Variants in AIFM2 observed in about 807,000 individuals in gnomAD.
AIFM2 encodes the protein AIF family member 2, ferroptosis suppressor.
Under a neutral mutation model 35.7 loss-of-function variants are expected in AIFM2, and 38 were observed. The observed-to-expected ratio is 1.06, with a 90% CI of 0.82 to 1.39. AIFM2 has a LOEUF of 1.39. AIFM2 is among the 40% of genes most tolerant of loss of function. The pLI, the probability that AIFM2 is intolerant of heterozygous loss-of-function variation, is 0.00. For missense variants in AIFM2, 476 were observed against 491.2 expected (o/e 0.97, Z 0.29); for synonymous variants, 185 against 203.5 (o/e 0.91, Z 0.77).
In AIFM2 at chr10:70,114,307, G is replaced by A. The variant is rs1400647869; in HGVS notation, c.993C>T (p.Ser331=). 6.2e-7 allele frequency: 1 copy of A among 1,613,810 alleles called. No individual in the cohort carries two copies. Among genetic ancestry groups the A allele is most frequent in the East Asian group, 2.2e-5 (1 of 44,876 alleles). ...GGCCCACACCGTCATTTCTCCCCAT[G>A]GACAGGAGGAACGTCAGTGCACCTG... ...YKPGALTFLL[S]MGRNDGVGQI... Residue 331 remains serine, a synonymous_variant, in exon 9 of 9, where the codon TCC becomes TCT. Coordinates refer to ENST00000307864, the MANE Select transcript of AIFM2 (RefSeq NM_032797.6).
At position 70,117,120 on chromosome 10, in the gene AIFM2, G is replaced by T. The variant is rs538980075; in HGVS notation, c.617-346C>A. 2.0e-5 allele frequency among the ~76,000 whole-genome samples: 3 copies of T among 152,302 alleles called. No homozygotes were observed. The highest frequency in any genetic ancestry group is 2.1e-4 in the South Asian group (1 of 4,828). ...GCCATCCTAACTAGGCAGGACGAGC[G>T]CTCCAAGTGCACCACGACAAAGGGG... On this transcript the variant is annotated intron_variant, in intron 6 of 8. Coordinates refer to ENST00000307864, the MANE Select transcript of AIFM2 (RefSeq NM_032797.6). The surrounding 1 kb of genome is among the most constrained non-coding windows in gnomAD (Gnocchi z 4.7).
intron 1 of AIFM2, among the ~76,000 whole-genome samples, chr10:70,126,571 G>T (rs1049012802): frequency 6.6e-6 from 1 of 152,154 alleles, no homozygotes; most frequent in African/African-American, 2.4e-5. Flanking sequence ...CCCTATAATG[G>T]GAGGGGACTA....
rs112641567 is a variant in AIFM2 at position 70,132,764 on chromosome 10, G to GGCTCCCGCTCCC, written c.-56_-45dup. On this transcript the variant is annotated 5_prime_UTR_variant, in exon 1 of 9. Coordinates refer to ENST00000307864, the MANE Select transcript of AIFM2 (RefSeq NM_032797.6). The stretch of plus-strand genomic sequence containing the variant: ...GGCCGCGCCCGCGCGCTCTCGCTCC[G>GGCTCCCGCTCCC]GCTCCCGCTCCCGCTCCCGCTCCCG... 3,522 of 152,594 alleles carry GGCTCCCGCTCCC rather than the reference G, an allele frequency of 0.023. 115 individuals are homozygous for GGCTCCCGCTCCC. The highest frequency in any genetic ancestry group is 0.074 in the African/African-American group (3,056 of 41,282). 9.5% of individuals were successfully genotyped at this position (152,594 alleles called of 1,614,324 possible).
At chr10:70,126,709 C>T (rs979136683) in intron 1 of AIFM2, among the ~76,000 whole-genome samples, 3 of 152,208 alleles carry the variant, frequency 2.0e-5, no homozygotes, top group African/African-American at 4.8e-5. Flanking sequence ...GTTAGAACTC[C>T]GGGCACTGTT....
intron 7 of AIFM2, 69 bp from the exon 8 acceptor site, chr10:70,115,189 G>A: frequency 6.5e-7 from 1 of 1,531,796 alleles, no homozygotes; most frequent in African/African-American, 1.4e-5. Flanking sequence ...AGGAGGAGGA[G>A]AGGGCGAGCT....
chr10:70,123,846 AAG>A, intron 2 of AIFM2, 59 bp downstream of exon 2: 2 of 1,461,856 alleles, frequency 1.4e-6, no homozygotes, highest in Non-Finnish European at 1.8e-6. Flanking sequence ...CCCTAAAATC[AAG>A]CCCCAGAGCA....
intron 1 of AIFM2, among the ~76,000 whole-genome samples, chr10:70,128,008 A>G (rs964790826): frequency 1.3e-5 from 2 of 152,220 alleles, no homozygotes; most frequent in African/African-American, 4.8e-5. Context: ...ACTCTTGGAC[A>G]TGCCGACTCT....
Position 70,112,978 on chromosome 10 carries a change from A to C in AIFM2, c.*1200T>G, listed in dbSNP as rs1331353238. ...TTTGTCACTTACAAATCTGCCCATA[A>C]GTAACCTAGAAATATGCTGGGGGTC... On this transcript the variant is annotated 3_prime_UTR_variant, in exon 9 of 9. Transcript: ENST00000307864. 1 of 152,162 alleles carries C rather than the reference A, an allele frequency of 6.6e-6. No homozygotes were observed. Among genetic ancestry groups the C allele is most frequent in the African/African-American group, 2.4e-5 (1 of 41,426 alleles). The allele number at this position is 152,162 out of a possible 1,614,324, so 9.4% of individuals were successfully genotyped here. A position where few individuals can be genotyped will look rare whatever the true frequency, so the allele number is the denominator to read the frequency against.
chr10:70,114,089 A>G lies in AIFM2; in HGVS notation c.*89T>C. On this transcript the variant is annotated 3_prime_UTR_variant, in exon 9 of 9. Transcript: ENST00000307864. Reference sequence around the variant, plus strand: ...TGGCATCTTATTCCAGAAGAATAGCATTAGTTCTAGCACTTGCCAGGCGGG... The same window carrying G: ...TGGCATCTTATTCCAGAAGAATAGCGTTAGTTCTAGCACTTGCCAGGCGGG... 2.7e-6 allele frequency: 4 copies of G among 1,467,056 alleles called. No homozygotes were observed. The highest frequency in any genetic ancestry group is 2.3e-5 in the Admixed American group (1 of 43,306). The allele number at this position is 1,467,056 out of a possible 1,614,324, so 90.9% of individuals were successfully genotyped here.
Position 70,120,644 on chromosome 10 carries a change from A to G in AIFM2, c.415-45T>C, listed in dbSNP as rs1238391806. The G allele has an allele frequency of 5.0e-6, 8 of 1,596,818 alleles. No individual in the cohort carries two copies. In the African/African-American group the frequency reaches 6.7e-5, roughly 13 times the overall value. ...AAACAGGGACATATGAAACACACCT[A>G]CACATCCACCTCTGTCTGCTGGTTC... On this transcript the variant is annotated intron_variant, in intron 4 of 8. Transcript: ENST00000307864.
In AIFM2 at chr10:70,123,415, TGCAGCA is replaced by T. The variant is rs1332991420; in HGVS notation, c.278_283del (p.Leu93_Leu94del). 6.2e-7 allele frequency: 1 copy of T among 1,613,928 alleles called. No homozygotes were observed. The highest frequency in any genetic ancestry group is 8.5e-7 in the Non-Finnish European group (1 of 1,179,934). On this transcript the variant is annotated inframe_deletion, in exon 3 of 9. Coordinates refer to ENST00000307864, the MANE Select transcript of AIFM2 (RefSeq NM_032797.6). ...CTGGCCCTCACTCACCTCGCCACCC[TGCAGCA>T]GCACCATCTGGTTCTTCAGGTCTAT...
intron 5 of AIFM2, among the ~76,000 whole-genome samples, chr10:70,119,886 G>A (rs769526499): frequency 6.6e-5 from 10 of 152,286 alleles, no homozygotes; most frequent in Middle Eastern, 3.4e-3. Flanking sequence ...TAGGTTGCCC[G>A]GTAGGATCTC....
At chr10:70,124,379 T>G (rs1057209600) in intron 1 of AIFM2, among the ~76,000 whole-genome samples, 1 of 152,256 alleles carries the variant, frequency 6.6e-6, no homozygotes, top group Non-Finnish European at 1.5e-5. Context: ...TATGCAACTA[T>G]AATCACGATT....
At position 70,121,203 on chromosome 10, in the gene AIFM2, G is replaced by C; in HGVS notation, c.303C>G (p.Pro101=). The C allele has an allele frequency of 1.8e-6, 2 of 1,100,770 alleles. No homozygotes were observed. Among genetic ancestry groups the C allele is most frequent in the East Asian group, 6.2e-5 (2 of 32,302 alleles). The allele number at this position is 1,100,770 out of a possible 1,614,324, so 68.2% of individuals were successfully genotyped here. Residue 101 remains proline (P), a synonymous_variant, in exon 4 of 9, where the codon CCC becomes CCG. Transcript: ENST00000307864. ...CCGTGGCCAGGATAAGATGAGAGAA[G>C]GGCAGGGCCTGAGAGAAACCAAAAA... The part of the protein sequence containing the change: ...MVLLQGGEAL[P]FSHLILATGS...
chr10:70,118,817 T>C (rs963774332), intron 5 of AIFM2, among the ~76,000 whole-genome samples: 16 of 152,192 alleles, frequency 1.1e-4, no homozygotes, highest in African/African-American at 3.9e-4. Flanking sequence ...ATCTTTGTAA[T>C]GTCCTGAGTG....
intron 3 of AIFM2, 132 bp from the exon 4 acceptor site, chr10:70,121,343 T>A: frequency 5.9e-6 from 8 of 1,363,438 alleles, no homozygotes; most frequent in Non-Finnish European, 7.6e-6. Context: ...GAGGCCCCTC[T>A]AGGCACCCGA....
intron 1 of AIFM2, among the ~76,000 whole-genome samples, chr10:70,130,190 A>T (rs530478980): frequency 3.7e-4 from 57 of 152,274 alleles, no homozygotes; most frequent in Non-Finnish European, 5.6e-4. Flanking sequence ...CTCAAAAAAA[A>T]ATTTTTTTTA....
intron 3 of AIFM2, among the ~76,000 whole-genome samples, chr10:70,122,367 T>C (rs2072519099): frequency 6.6e-6 from 1 of 152,170 alleles, no homozygotes; most frequent in Admixed American, 6.5e-5. Context: ...GCCCCATTAA[T>C]TCAAGAAGGG....
In AIFM2 at chr10:70,117,676, C is replaced by T; in HGVS notation, c.616+136G>A. 1.6e-6 allele frequency: 1 copy of T among 626,294 alleles called. No individual in the cohort carries two copies. Among genetic ancestry groups the T allele is most frequent in the Non-Finnish European group, 2.6e-6 (1 of 381,352 alleles). The allele number at this position is 626,294 out of a possible 1,614,324, so 38.8% of individuals were successfully genotyped here. ...GGCCTCTTCTGAGCGCTTCATGCTC[C>T]ACCCCAGGACACAGTGGAAAAGAGA... is the stretch of plus-strand genomic sequence containing the variant. On this transcript the variant is annotated intron_variant, in intron 6 of 8. Transcript: ENST00000307864. The surrounding 1 kb of genome is among the most constrained non-coding windows in gnomAD (Gnocchi z 4.7).
Sources: allele counts gnomAD v4.1 joint callset (sites outside exome capture counted in the v4.1 genomes callset), GRCh38; gene constraint gnomAD v4.1.1; non-coding constraint Gnocchi (gnomAD v3.1); transcripts MANE v1.5; gene names NCBI Gene and HGNC (gene_info 2026-07-23, HGNC 2026-07-21).